The following L3MBTL1 variants were observed in gnomAD, a reference collection of about 807,000 sequenced individuals.
L3MBTL1 encodes the protein lethal(3)malignant brain tumor-like protein 1.
L3MBTL1 carries 75 observed loss-of-function variants against 105.3 expected under a neutral mutation model. That is an observed-to-expected ratio of 0.71 (90% CI 0.59 to 0.86). The LOEUF is 0.86. Ranked by LOEUF, L3MBTL1 falls within the 40% of genes least tolerant of loss-of-function variation. The pLI, the probability that L3MBTL1 is intolerant of heterozygous loss-of-function variation, is 0.00. For synonymous variants in L3MBTL1, 452 were observed against 436.2 expected (o/e 1.04, Z -0.45); for missense variants, 1,069 against 1,126.4 (o/e 0.95, Z 0.73).
Position 43,513,991 on chromosome 20 carries a change from C to G in L3MBTL1, c.290C>G (p.Ser97Cys), listed in dbSNP as rs2018216910. Residue 97 changes from serine to cysteine, a missense_variant, in exon 3 of 22, where the codon TCC becomes TGC. Transcript: ENST00000418998. ...CAGCTTAGCGCCGGGCCGGCCAGCT[C>G]CAGCACCAGCACAGTGCGGCTTCTG... ...LPQLSAGPAS[S>C]STSTVRLLEW... 1.3e-6 allele frequency: 2 copies of G among 1,544,216 alleles called. No individual in the cohort carries two copies. The highest frequency in any genetic ancestry group is 1.7e-6 in the Non-Finnish European group (2 of 1,146,880).
At chr20:43,515,257 G>T in intron 5 of L3MBTL1, 35 bp from the exon 6 acceptor site, 1 of 1,611,792 alleles carries the variant, frequency 6.2e-7, no homozygotes, top group South Asian at 1.1e-5. Flanking sequence ...GGTGCAGGGC[G>T]GGTGGTTCTT....
rs1334583086 is a variant in L3MBTL1, at chr20:43,536,290, G to A, written c.2119G>A (p.Gly707Ser). Residue 707 changes from glycine (G) to serine (S), a missense_variant, in exon 18 of 22, where the codon GGC becomes AGC. Coordinates refer to ENST00000418998, the MANE Select transcript of L3MBTL1 (RefSeq NM_001377303.1). ...FSPRKKPRHHGRIGRPPKYRK... is the reference protein window; with the variant it reads ...FSPRKKPRHHSRIGRPPKYRK... ...CCCAAGGAAGAAGCCTCGCCATCAC[G>A]GCCGGTATGGAGGCCAGGGAATCAG... 7.4e-6 allele frequency: 12 copies of A among 1,612,850 alleles called. No individual in the cohort carries two copies. The highest frequency in any genetic ancestry group is 4.5e-5 in the East Asian group (2 of 44,856).
intron 15 of L3MBTL1, 31 bp from the exon 16 acceptor site, chr20:43,534,797 C>T (rs375661273): frequency 9.2e-6 from 14 of 1,528,664 alleles, no homozygotes; most frequent in East Asian, 9.0e-5. Flanking sequence ...CCATGAGAAA[C>T]GCCTGACTTC....
At chr20:43,537,693 C>G in intron 19 of L3MBTL1, among the ~76,000 whole-genome samples, 1 of 152,140 alleles carries the variant, frequency 6.6e-6, no homozygotes, top group East Asian at 1.9e-4. Context: ...GGGCCTGATG[C>G]ACAGCAGGGA....
chr20:43,515,373 AT>A lies in L3MBTL1; in HGVS notation c.736del (p.Tyr246ThrfsTer57). The A allele has an allele frequency of 6.4e-7, 1 of 1,561,964 alleles. No homozygotes were observed. The highest frequency in any genetic ancestry group is 8.7e-7 in the Non-Finnish European group (1 of 1,152,058). ...CCATGAAGAAGAGGAAGCGCAGGGA[AT>A]ACCAGAGCCCATCAGAGGAGGAGTC... ...KPMKKRKRRE[Y>X]QSPSEEESEP... On this transcript the variant is annotated frameshift_variant, in exon 6 of 22. Coordinates refer to ENST00000418998, the MANE Select transcript of L3MBTL1 (RefSeq NM_001377303.1). LOFTEE classifies it high-confidence loss of function.
chr20:43,520,533 C>T (rs1460152568), intron 7 of L3MBTL1, among the ~76,000 whole-genome samples: 1 of 152,114 alleles, frequency 6.6e-6, no homozygotes, highest in Admixed American at 6.5e-5. Context: ...ATGAGGATTC[C>T]AGTTTATCCC....
rs1048779067 is a variant in L3MBTL1, at chr20:43,540,775, T to C, written c.2354T>C (p.Leu785Pro). 3 of 1,614,072 alleles carry C rather than the reference T, an allele frequency of 1.9e-6. No individual in the cohort carries two copies. The highest frequency in any genetic ancestry group is 1.3e-5 in the African/African-American group (1 of 74,934). The change falls in exon 21 of 22, where the codon CTG becomes CCG. Residue 785 changes from leucine to proline, a missense_variant. By Grantham distance (98) the Leu-to-Pro change is moderately conservative. Transcript: ENST00000418998. ...AAGGTCTTCGGCTTTGTTCAGACCC[T>C]GACAGGTTGTGAGGACCAAGCACGC... ...IDEVFGFVQT[L>P]TGCEDQARLF...
chr20:43,523,218 A>G (rs2018829549), intron 7 of L3MBTL1: 1 of 154,528 alleles, frequency 6.5e-6, no homozygotes, highest in Admixed American at 6.5e-5. Context: ...TTTAATTCTT[A>G]AAGAGTCCAA....
intron 7 of L3MBTL1, among the ~76,000 whole-genome samples, chr20:43,527,102 A>G (rs780608491): frequency 7.2e-5 from 11 of 152,228 alleles, no homozygotes; most frequent in Non-Finnish European, 1.5e-4. Flanking sequence ...ATCCAGTCCT[A>G]CAGCCTTAGT....
At chr20:43,519,873 T>C (rs2018617409) in intron 7 of L3MBTL1, among the ~76,000 whole-genome samples, 6 of 152,226 alleles carry the variant, frequency 3.9e-5, no homozygotes, top group Admixed American at 3.9e-4. Context: ...TGTCAATTTT[T>C]TAATGATTAG....
At chr20:43,518,924 G>A (rs997991543) in intron 7 of L3MBTL1, among the ~76,000 whole-genome samples, 3 of 151,002 alleles carry the variant, frequency 2.0e-5, no homozygotes, top group African/African-American at 7.3e-5. Context: ...TACTCGGGAG[G>A]CTGAGGCAGG....
rs1287750065 is a variant in L3MBTL1 at position 43,516,018 on chromosome 20, G to A, written c.778-75G>A. 20 of 1,137,350 alleles carry A rather than the reference G, an allele frequency of 1.8e-5. No homozygotes were observed. In the South Asian group the frequency reaches 2.4e-4, roughly 13 times the overall value. 70.5% of individuals were successfully genotyped at this position (1,137,350 alleles called of 1,614,324 possible). A position where few individuals can be genotyped will look rare whatever the true frequency, so the allele number is the denominator to read the frequency against. ...ACCACATGGCCAGAGAGCCAGGTAGGGGCCAGGATCAGACCCTAGGGCTTC... is the reference window on the plus strand; with the variant it reads ...ACCACATGGCCAGAGAGCCAGGTAGAGGCCAGGATCAGACCCTAGGGCTTC... On this transcript the variant is annotated intron_variant, in intron 6 of 21. Coordinates refer to ENST00000418998, the MANE Select transcript of L3MBTL1 (RefSeq NM_001377303.1).
chr20:43,521,225 A>G (rs185161199), intron 7 of L3MBTL1, among the ~76,000 whole-genome samples: 1 of 152,338 alleles, frequency 6.6e-6, no homozygotes, highest in East Asian at 1.9e-4. Context: ...GACCCAGCAC[A>G]TAGTGGTACC....
At chr20:43,546,452 C>T (rs773874092), downstream of L3MBTL1, among the ~76,000 whole-genome samples, 9 of 152,170 alleles carry the variant, frequency 5.9e-5, no homozygotes, top group Non-Finnish European at 1.0e-4. Flanking sequence ...TCTGTATAAT[C>T]GAGATAATGC....
At position 43,534,285 on chromosome 20, in the gene L3MBTL1, G is replaced by A. The variant is rs756904545; in HGVS notation, c.1601G>A (p.Arg534Gln). ...TGAAGGCAGCTGTCCCCTCTGCAGC[G>A]ACCCCCTCACAGCTTCCTGGTCAAT... ...SAVPTWAFKVRPPHSFLVNMK... is the reference protein window; with the variant it reads ...SAVPTWAFKVQPPHSFLVNMK... Residue 534 changes from arginine (R) to glutamine (Q), a missense_variant and splice_region_variant, in exon 15 of 22, where the codon CGA becomes CAA. By Grantham distance (43) the Arg-to-Gln change is conservative. Transcript: ENST00000418998. 6.8e-6 allele frequency: 11 copies of A among 1,613,480 alleles called. No individual in the cohort carries two copies. Among genetic ancestry groups the A allele is most frequent in the South Asian group, 4.4e-5 (4 of 90,978 alleles).
At chr20:43,545,999 G>A (rs1418492219), downstream of L3MBTL1, among the ~76,000 whole-genome samples, 1 of 152,212 alleles carries the variant, frequency 6.6e-6, no homozygotes, top group Non-Finnish European at 1.5e-5. Flanking sequence ...GATTTACTGA[G>A]CACCTGACTT....
intron 16 of L3MBTL1, 58 bp downstream of exon 16, chr20:43,535,000 A>G (rs2019534384): frequency 3.2e-6 from 4 of 1,247,354 alleles, no homozygotes; most frequent in African/African-American, 3.0e-5. Context: ...TGACAATCCT[A>G]TAGTTTGCCT....
intron 10 of L3MBTL1, 49 bp downstream of exon 10, chr20:43,530,468 C>T (rs752220845): frequency 2.5e-6 from 4 of 1,579,038 alleles, no homozygotes; most frequent in Non-Finnish European, 3.4e-6. Flanking sequence ...TCCTCAGACC[C>T]TTCGCTTCTT....
intron 7 of L3MBTL1, among the ~76,000 whole-genome samples, chr20:43,516,740 A>G (rs1213777076): frequency 6.6e-6 from 1 of 151,690 alleles, no homozygotes; most frequent in Non-Finnish European, 1.5e-5. Flanking sequence ...TGCCCTCAAA[A>G]CCATCAACAC....
Sources: allele counts gnomAD v4.1 joint callset (sites outside exome capture counted in the v4.1 genomes callset), GRCh38; gene constraint gnomAD v4.1.1; transcripts MANE v1.5; gene names NCBI Gene and HGNC (gene_info 2026-07-23, HGNC 2026-07-21).